The following NEB variants were observed in gnomAD, a reference collection of about 807,000 sequenced individuals.
The protein encoded by NEB is nemaline myopathy type 2.
A neutral mutation model predicts 952.2 loss-of-function variants in NEB; 512 were observed. The observed-to-expected ratio is 0.54, with a 90% CI of 0.50 to 0.58. The LOEUF (loss-of-function observed/expected upper bound fraction) is 0.58. NEB is among the 20% of genes least tolerant of loss of function. The probability of loss-of-function intolerance (pLI) is 0.00; values close to 1 mark genes in which losing one functional copy is unlikely to be tolerated. For synonymous variants in NEB, 2,900 were observed against 3,149.8 expected, an observed-to-expected ratio of 0.92 and a Z score of 2.66; for missense variants, 8,428 against 9,231.1, an observed-to-expected ratio of 0.91 and a Z score of 3.56.
At chr2:151,665,657 G>T (rs1161716056) in intron 41 of NEB, 118 bp from the exon 42 acceptor site, 2 of 804,280 alleles carry the variant, frequency 2.5e-6, no homozygotes, top group African/African-American at 1.7e-5. Flanking sequence ...AGAATAATCT[G>T]CTTTTTACTC....
chr2:151,536,056 C>T (rs2093139287), intron 141 of NEB, among the ~76,000 whole-genome samples: 1 of 152,150 alleles, frequency 6.6e-6, no homozygotes. Flanking sequence ...ACAGGTTGTA[C>T]ACCACCATGC....
At chr2:151,626,413 G>A (rs892687198) in intron 70 of NEB, among the ~76,000 whole-genome samples, 1 of 152,176 alleles carries the variant, frequency 6.6e-6, no homozygotes, top group African/African-American at 2.4e-5. Flanking sequence ...ACCATGCCCG[G>A]CTTGCATCTT....
In NEB at chr2:151,666,446, TC is replaced by T; in HGVS notation, c.4720-46del. On this transcript the variant is annotated intron_variant, in intron 40 of 181. Coordinates refer to ENST00000397345, the MANE Select transcript of NEB (RefSeq NM_001164508.2). The stretch of plus-strand genomic sequence containing the variant: ...AAACAGAAGTTGGCTAGCATAGAAG[TC>T]TGATATAAACTGAATTTATACAACA... The T allele has an allele frequency of 1.9e-6, 3 of 1,567,832 alleles. No individual in the cohort carries two copies. In the South Asian group the frequency reaches 3.4e-5, roughly 18 times the overall value.
At chr2:151,531,296 CT>C (rs1225907989) in intron 144 of NEB, among the ~76,000 whole-genome samples, 195 bp from the exon 145 acceptor site, 2 of 141,922 alleles carry the variant, frequency 1.4e-5, no homozygotes, top group Non-Finnish European at 3.0e-5. Context: ...CAACAACTCT[CT>C]TTTTTTCTTT....
chr2:151,649,965 AGC>A (rs2099012506), intron 54 of NEB, among the ~76,000 whole-genome samples: 1 of 152,210 alleles, frequency 6.6e-6, no homozygotes, highest in Admixed American at 6.5e-5. Context: ...ATAATAAATA[AGC>A]TTTGGGTGAC....
chr2:151,624,319 T>C (rs945962998), intron 71 of NEB, among the ~76,000 whole-genome samples: 2 of 152,022 alleles, frequency 1.3e-5, no homozygotes, highest in African/African-American at 4.8e-5. Flanking sequence ...CCAATATCCT[T>C]GCAGCAGTCT....
At chr2:151,536,901 T>C (rs1420379948) in intron 141 of NEB, among the ~76,000 whole-genome samples, 1 of 152,062 alleles carries the variant, frequency 6.6e-6, no homozygotes, top group Non-Finnish European at 1.5e-5. Flanking sequence ...AGAAGAATCA[T>C]GAGGGGTTGA....
chr2:151,541,356 G>A (rs2094029232), intron 136 of NEB, 91 bp downstream of exon 136: 2 of 873,524 alleles, frequency 2.3e-6, no homozygotes, highest in East Asian at 5.0e-5. Context: ...ACAACCAAGT[G>A]TGTGAGTCTG....
chr2:151,548,798 T>G (rs897032933), intron 130 of NEB, among the ~76,000 whole-genome samples: 1 of 152,208 alleles, frequency 6.6e-6, no homozygotes, highest in African/African-American at 2.4e-5. Flanking sequence ...ACCAACCATT[T>G]TAACACATCC....
In NEB at chr2:151,592,113, T is replaced by A; in HGVS notation, c.14747A>T (p.Lys4916Ile). 6.5e-7 allele frequency: 1 copy of A among 1,549,628 alleles called. No homozygotes were observed. Among genetic ancestry groups the A allele is most frequent in the East Asian group, 2.4e-5 (1 of 40,932 alleles). ...SEPLYRNAWE[K>I]EKANVNVPAD... ...TGGCACGTTCACATTAGCCTTCTCT[T>A]TCTCCCAGGCATTGCGATACAATGG... Residue 4916 changes from lysine to isoleucine, a missense_variant, in exon 95 of 182, where the codon AAA becomes ATA. Lys to Ile is a moderately radical substitution (Grantham distance 102). Around this residue, in one of 11 missense-constraint regions of NEB, gnomAD observed 13 missense variants for 40.6 expected, o/e 0.32. Transcript: ENST00000397345.
At position 151,534,266 on chromosome 2, in the gene NEB, G is replaced by A. The variant is rs1159922407; in HGVS notation, c.21313-720C>T. The A allele has an allele frequency of 3.7e-6, 6 of 1,613,676 alleles. No homozygotes were observed. Among genetic ancestry groups the A allele is most frequent in the African/African-American group, 1.3e-5 (1 of 75,052 alleles). On this transcript the variant is annotated intron_variant, in intron 142 of 181. Transcript: ENST00000397345. Reference sequence around the variant, plus strand: ...TAGCCAGCAGATGTCTAGGCTCATCGACTACCAGGTGGTATTTATCTTTCC... The same window carrying A: ...TAGCCAGCAGATGTCTAGGCTCATCAACTACCAGGTGGTATTTATCTTTCC...
chr2:151,512,617 C>G, intron 161 of NEB, 116 bp downstream of exon 161: 1 of 822,428 alleles, frequency 1.2e-6, no homozygotes. Flanking sequence ...CCTGGTGAAT[C>G]TCTTTTTTAT....
At chr2:151,652,702 A>G (rs1470619955) in intron 52 of NEB, among the ~76,000 whole-genome samples, 1 of 152,198 alleles carries the variant, frequency 6.6e-6, no homozygotes, top group East Asian at 1.9e-4. Flanking sequence ...TTATAAATAC[A>G]AGGACATTTG....
At chr2:151,578,127 C>A (rs1032554658) in intron 105 of NEB, among the ~76,000 whole-genome samples, 12 of 152,140 alleles carry the variant, frequency 7.9e-5, no homozygotes, top group Admixed American at 2.0e-4. Context: ...TTAAGGGAAC[C>A]AAGGTCAGAT....
Position 151,514,846 on chromosome 2 carries a change from A to C in NEB, c.22988T>G (p.Val7663Gly), listed in dbSNP as rs1011371690. ...GCTTGCTATTTTAGTTGCATATTTG[A>C]CATGTAACAAAGCTGGCGTGACCTC... Reference protein sequence around the residue: ...GLEVTPALLHVKYATKIASEK... With the variant: ...GLEVTPALLHGKYATKIASEK... The change falls in exon 158 of 182, where the codon GTC becomes GGC. Residue 7663 changes from valine to glycine, a missense_variant. Physicochemically the swap from Val to Gly is moderately radical, Grantham distance 109 (BLOSUM62 -3). Transcript: ENST00000397345. The C allele has an allele frequency of 6.3e-7, 1 of 1,583,988 alleles. No homozygotes were observed.
intron 52 of NEB, 97 bp from the exon 53 acceptor site, chr2:151,650,982 G>A: frequency 1.6e-6 from 2 of 1,221,128 alleles, no homozygotes; most frequent in Non-Finnish European, 2.3e-6. Flanking sequence ...TTTTGAGACA[G>A]GGGTCTATGT....
At position 151,618,396 on chromosome 2, in the gene NEB, C is replaced by G; in HGVS notation, c.10955G>C (p.Arg3652Thr). 6.2e-7 allele frequency: 1 copy of G among 1,613,960 alleles called. No homozygotes were observed. The highest frequency in any genetic ancestry group is 1.3e-5 in the African/African-American group (1 of 75,066). ...AGTATCACTAAGTAATTCTCCAGCT[C>G]TCTTGGCCCTAACAACTTCCAAGGA... Reference protein sequence around the residue: ...IDSLEVVRAKRAGELLSDTIY... With the variant: ...IDSLEVVRAKTAGELLSDTIY... The change falls in exon 74 of 182, where the codon AGA becomes ACA. Residue 3652 changes from arginine (R) to threonine (T), a missense_variant. Coordinates refer to ENST00000397345, the MANE Select transcript of NEB (RefSeq NM_001164508.2).
intron 177 of NEB, 41 bp downstream of exon 177, chr2:151,492,346 C>G (rs1335904970): frequency 6.3e-7 from 1 of 1,589,546 alleles, no homozygotes; most frequent in Non-Finnish European, 8.6e-7. Context: ...TTTACACATT[C>G]TGACAGGCAG....
Position 151,666,279 on chromosome 2 carries a change from G to A in NEB, c.4842C>T (p.Tyr1614=). 2 of 1,613,908 alleles carry A rather than the reference G, an allele frequency of 1.2e-6. No homozygotes were observed. The highest frequency in any genetic ancestry group is 1.7e-6 in the Non-Finnish European group (2 of 1,179,856). Residue 1614 remains tyrosine, a synonymous_variant, in exon 41 of 182, where the codon TAC becomes TAT. Coordinates refer to ENST00000397345, the MANE Select transcript of NEB (RefSeq NM_001164508.2). ...TCTTGCTGGCTTCATAGCCCTTTTT[G>A]TACTCACGATCAGACTGGATTTTGG... ...NVAKIQSDRE[Y]KKGYEASKTK... is the part of the protein sequence containing the mutation.
Sources: allele counts gnomAD v4.1 joint callset (sites outside exome capture counted in the v4.1 genomes callset), GRCh38; gene constraint gnomAD v4.1.1; regional missense constraint gnomAD v4.1.1; transcripts MANE v1.5; gene names NCBI Gene and HGNC (gene_info 2026-07-23, HGNC 2026-07-21).